The following NLN variants were observed in gnomAD, a reference collection of about 807,000 sequenced individuals.
The protein encoded by NLN is neurolysin, mitochondrial.
A neutral mutation model predicts 79.9 loss-of-function variants in NLN; 64 were observed. The observed-to-expected ratio is 0.80, with a 90% CI of 0.65 to 0.99. The LOEUF is 0.99. NLN is among the 50% of genes least tolerant of loss of function. The pLI is 0.00. For synonymous variants in NLN, 267 were observed against 296.6 expected (o/e 0.90, Z 1.02); for missense variants, 835 against 858.7 (o/e 0.97, Z 0.34).
At chr5:65,754,796 T>C (rs1759183897) in intron 1 of NLN, among the ~76,000 whole-genome samples, 1 of 152,174 alleles carries the variant, frequency 6.6e-6, no homozygotes, top group Admixed American at 6.5e-5. Context: ...AAAAACACCT[T>C]TGAGGCTCAT....
chr5:65,725,982 G>A (rs1300745322), intron 1 of NLN, among the ~76,000 whole-genome samples: 1 of 152,092 alleles, frequency 6.6e-6, no homozygotes, highest in African/African-American at 2.4e-5. Flanking sequence ...CGTGGTGGCG[G>A]GCGCCTGTAG....
intron 1 of NLN, among the ~76,000 whole-genome samples, chr5:65,729,268 A>G (rs564376899): frequency 4.6e-4 from 70 of 151,694 alleles, no homozygotes; most frequent in African/African-American, 1.7e-3. Flanking sequence ...AGTATTGGGG[A>G]AAAAAATCTA....
At chr5:65,754,717 C>G (rs1186932955) in intron 1 of NLN, among the ~76,000 whole-genome samples, 4 of 152,158 alleles carry the variant, frequency 2.6e-5, no homozygotes, top group African/African-American at 9.7e-5. Flanking sequence ...GAGGAAAGAT[C>G]AGTATCTTCT....
intron 9 of NLN, among the ~76,000 whole-genome samples, chr5:65,806,056 T>G (rs1201007319): frequency 6.6e-6 from 1 of 152,164 alleles, no homozygotes; most frequent in Non-Finnish European, 1.5e-5. Context: ...TACTGACTAT[T>G]TTAAGCCACT....
chr5:65,798,572 T>C (rs1046258071), intron 9 of NLN, among the ~76,000 whole-genome samples: 2 of 152,238 alleles, frequency 1.3e-5, no homozygotes, highest in Non-Finnish European at 2.9e-5. Context: ...TCATCAGCTT[T>C]GTGGCCTCTG....
chr5:65,790,460 G>C (rs1335655578), intron 8 of NLN, among the ~76,000 whole-genome samples: 1 of 152,236 alleles, frequency 6.6e-6, no homozygotes, highest in Admixed American at 6.5e-5. Flanking sequence ...AATCATGGCA[G>C]AAGGGGAAAC....
At chr5:65,803,424 G>A (rs1760334051) in intron 9 of NLN, among the ~76,000 whole-genome samples, 2 of 152,200 alleles carry the variant, frequency 1.3e-5, no homozygotes, top group Non-Finnish European at 2.9e-5. Flanking sequence ...GTGCTGTCCT[G>A]AGCATATGGA....
chr5:65,795,082 G>A lies in NLN; in HGVS notation c.1527+2427G>A, dbSNP rs368146205. Among the ~76,000 whole-genome samples, 189 of 152,166 alleles carry A rather than the reference G, an allele frequency of 1.2e-3. 4 individuals are homozygous for A. In the South Asian group the frequency reaches 0.038, roughly 31 times the overall value. ...ATTTTCATAGCACTGACTGGGCGTG[G>A]TGGTTCATGCCTGTAATCCCAGCAC... On this transcript the variant is annotated intron_variant, in intron 9 of 12. Coordinates refer to ENST00000380985, the MANE Select transcript of NLN (RefSeq NM_020726.5).
intron 9 of NLN, among the ~76,000 whole-genome samples, chr5:65,796,350 G>A (rs893006872): frequency 5.9e-5 from 9 of 152,114 alleles, no homozygotes; most frequent in African/African-American, 2.2e-4. Flanking sequence ...GATCTTTTGA[G>A]ATAGTCACTT....
chr5:65,765,554 G>GA (rs1353796670), intron 3 of NLN, among the ~76,000 whole-genome samples: 1 of 151,542 alleles, frequency 6.6e-6, no homozygotes, highest in African/African-American at 2.4e-5. Flanking sequence ...ATTAAAAATA[G>GA]AAAAATTAGC....
intron 3 of NLN, among the ~76,000 whole-genome samples, chr5:65,770,441 A>G (rs1407045504): frequency 6.6e-6 from 1 of 152,214 alleles, no homozygotes; most frequent in Non-Finnish European, 1.5e-5. Context: ...ATTAGTAATC[A>G]GAGAAATGCA....
intron 12 of NLN, among the ~76,000 whole-genome samples, chr5:65,822,012 G>A (rs886656886): frequency 6.6e-6 from 1 of 151,954 alleles, no homozygotes; most frequent in African/African-American, 2.4e-5. Flanking sequence ...TTTATTATCT[G>A]TATATTTGGA....
intron 3 of NLN, among the ~76,000 whole-genome samples, chr5:65,769,946 C>T (rs1372133667): frequency 2.0e-5 from 3 of 152,108 alleles, no homozygotes; most frequent in African/African-American, 7.2e-5. Flanking sequence ...AAGTGAGAAA[C>T]CAGTTAGTGG....
chr5:65,822,032 C>A (rs965000262), intron 12 of NLN, among the ~76,000 whole-genome samples: 22 of 152,222 alleles, frequency 1.4e-4, no homozygotes, highest in Non-Finnish European at 2.4e-4. Flanking sequence ...AATTATGCTT[C>A]TGAATTGTCT....
At chr5:65,728,516 G>A (rs1052480803) in intron 1 of NLN, among the ~76,000 whole-genome samples, 1 of 152,018 alleles carries the variant, frequency 6.6e-6, no homozygotes, top group African/African-American at 2.4e-5. Context: ...TCAGGTCTTT[G>A]GTACTTATCA....
chr5:65,726,922 A>G (rs1197441552), intron 1 of NLN, among the ~76,000 whole-genome samples: 1 of 152,112 alleles, frequency 6.6e-6, no homozygotes, highest in African/African-American at 2.4e-5. Flanking sequence ...TTTTAGTGTT[A>G]TGGAGTAACT....
Position 65,781,415 on chromosome 5 carries a change from C to A in NLN, c.816C>A (p.Cys272Ter). The A allele has an allele frequency of 1.3e-6, 2 of 1,595,880 alleles. No homozygotes were observed. Among genetic ancestry groups the A allele is most frequent in the Non-Finnish European group, 1.7e-6 (2 of 1,166,798 alleles). ...TGGAAATGGCTTTTAATACAAGGTG[C>A]AAAGAGGTATTATAAATGTTTGTCT... ...RRMEMAFNTR[C>*]KEENTIILQQ... is the part of the protein sequence containing the mutation. The change falls in exon 6 of 13, where the codon TGC becomes TGA. Residue 272 changes from cysteine (C) to a stop codon, truncating the protein, a stop_gained. Coordinates refer to ENST00000380985, the MANE Select transcript of NLN (RefSeq NM_020726.5). LOFTEE classifies it high-confidence loss of function.
intron 9 of NLN, among the ~76,000 whole-genome samples, chr5:65,797,496 C>A (rs1760197482): frequency 6.6e-6 from 1 of 152,164 alleles, no homozygotes; most frequent in South Asian, 2.1e-4. Flanking sequence ...ATGACAAGAG[C>A]ACTGGATCAA....
chr5:65,759,585 C>G (rs540032805), intron 2 of NLN, among the ~76,000 whole-genome samples: 2 of 151,934 alleles, frequency 1.3e-5, no homozygotes, highest in Non-Finnish European at 2.9e-5. Context: ...AGCTCCAGTC[C>G]GAAGGCCAGT....
Sources: gnomAD v4.1 joint callset for allele counts (sites outside exome capture counted in the v4.1 genomes callset) on GRCh38, gnomAD v4.1.1 for gene constraint, MANE v1.5 for transcripts, NCBI Gene and HGNC (gene_info 2026-07-23, HGNC 2026-07-21) for gene names.